The following EPS15L1 variants were observed in gnomAD, a reference collection of about 807,000 sequenced individuals.
The protein encoded by EPS15L1 is epidermal growth factor receptor pathway substrate 15 like 1, also known as epidermal growth factor receptor substrate 15-like 1.
EPS15L1 carries 43 observed loss-of-function variants against 117.1 expected under a neutral mutation model. That is an observed-to-expected ratio of 0.37 (90% CI 0.29 to 0.47). The LOEUF is 0.47. Ranked by LOEUF, EPS15L1 falls within the 20% of genes least tolerant of loss-of-function variation. EPS15L1 has a pLI of 0.99. For missense variants in EPS15L1, 981 were observed against 1,164.0 expected, an observed-to-expected ratio of 0.84 and a Z score of 2.29; for synonymous variants, 459 against 470.5, an observed-to-expected ratio of 0.98 and a Z score of 0.32.
At chr19:16,394,360 G>A (rs866400879) in intron 17 of EPS15L1, among the ~76,000 whole-genome samples, 15 of 152,178 alleles carry the variant, frequency 9.9e-5, no homozygotes, top group African/African-American at 3.6e-4. Flanking sequence ...TGGGTAAGAG[G>A]ACACAGGACC....
chr19:16,403,647 G>C (rs747186763), intron 15 of EPS15L1, 86 bp downstream of exon 15: 187 of 1,281,450 alleles, frequency 1.5e-4, no homozygotes, highest in Non-Finnish European at 2.0e-4. Flanking sequence ...ACAAGGGTGA[G>C]AGCAAAGGAG....
At chr19:16,418,170 C>A (rs574243433) in intron 10 of EPS15L1, 66 bp from the exon 11 acceptor site, 60 of 1,521,678 alleles carry the variant, frequency 3.9e-5, no homozygotes, top group Non-Finnish European at 5.1e-5. Flanking sequence ...CCCAAGTCAC[C>A]GATCCCTTGC....
chr19:16,374,257 G>A (rs1231195206), intron 22 of EPS15L1, among the ~76,000 whole-genome samples: 1 of 152,214 alleles, frequency 6.6e-6, no homozygotes, highest in Non-Finnish European at 1.5e-5. Context: ...CTGGGACCTA[G>A]TGAGATAAGA....
chr19:16,418,576 G>T (rs966876154), intron 10 of EPS15L1, among the ~76,000 whole-genome samples: 5 of 152,166 alleles, frequency 3.3e-5, no homozygotes, highest in African/African-American at 1.2e-4. Context: ...ACTTTGGGGT[G>T]TCATCATGAT....
At chr19:16,359,727 T>A (rs1487307467) in intron 23 of EPS15L1, among the ~76,000 whole-genome samples, 1 of 151,906 alleles carries the variant, frequency 6.6e-6, no homozygotes. Flanking sequence ...CCAGATGTGG[T>A]GGTGCGCGCC....
chr19:16,470,409 A>C (rs1257651068), intron 1 of EPS15L1, among the ~76,000 whole-genome samples: 2 of 151,538 alleles, frequency 1.3e-5, no homozygotes, highest in Non-Finnish European at 2.9e-5. Flanking sequence ...ATTGGACAGG[A>C]AGTTTTAGAA....
intron 22 of EPS15L1, among the ~76,000 whole-genome samples, chr19:16,367,727 A>C (rs1291189627): frequency 6.7e-6 from 1 of 148,264 alleles, no homozygotes; most frequent in Non-Finnish European, 1.5e-5. Flanking sequence ...TCCGCTTAAA[A>C]GCATCCTCAA....
At chr19:16,427,216 T>A (rs1172568779) in intron 8 of EPS15L1, among the ~76,000 whole-genome samples, 1 of 152,042 alleles carries the variant, frequency 6.6e-6, no homozygotes, top group Non-Finnish European at 1.5e-5. Flanking sequence ...TTGAGTTGAG[T>A]TCGAGGCTGC....
intron 3 of EPS15L1, 23 bp from the exon 4 acceptor site, chr19:16,440,932 A>G (rs776308551): frequency 8.1e-6 from 13 of 1,613,750 alleles, no homozygotes; most frequent in Non-Finnish European, 1.1e-5. Flanking sequence ...AAAAATGCTC[A>G]TAAGCATGAC....
intron 8 of EPS15L1, among the ~76,000 whole-genome samples, chr19:16,428,414 G>GGGAAGGAAGGAA (rs770246482): frequency 7.5e-6 from 1 of 133,220 alleles, no homozygotes; most frequent in Admixed American, 7.5e-5. Context: ...AAGGGAGGGA[G>GGGAAGGAAGGAA]GGAAGGAAGG....
chr19:16,426,744 C>A (rs1217080034), intron 8 of EPS15L1, among the ~76,000 whole-genome samples: 12 of 152,180 alleles, frequency 7.9e-5, no homozygotes, highest in Non-Finnish European at 1.6e-4. Context: ...CAAAAGACAA[C>A]AGGATGTAAC....
chr19:16,400,335 TCAAAAAAAAAAAAACAAAAA>T (rs1366654967), intron 16 of EPS15L1, among the ~76,000 whole-genome samples: 5 of 110,358 alleles, frequency 4.5e-5, no homozygotes, highest in Admixed American at 1.3e-4. Context: ...AGACTCCGTC[TCAAAAAAAAAAAAACAAAAA>T]CAAAAAAAAA....
At position 16,413,375 on chromosome 19, in the gene EPS15L1, G is replaced by A. The variant is rs73931914; in HGVS notation, c.1266+398C>T. 7,309 of 692,284 alleles carry A rather than the reference G, an allele frequency of 0.011. 401 individuals are homozygous for A. The African/African-American group carries it at 0.12, about 11-fold the overall frequency. 42.9% of individuals were successfully genotyped at this position (692,284 alleles called of 1,614,324 possible). ...TCAATGACTGCTACACCTCAGCCAG[G>A]GGCTGCACTGCCATCCTGGGCAACT... On this transcript the variant is annotated intron_variant, in intron 13 of 23. Transcript: ENST00000455140.
chr19:16,417,322 C>T (rs1035806383), intron 12 of EPS15L1: 13 of 505,892 alleles, frequency 2.6e-5, no homozygotes, highest in Non-Finnish European at 4.7e-5. Context: ...TCAAGACCTG[C>T]CTGAGACCAC....
chr19:16,366,242 A>G (rs1397738576), intron 22 of EPS15L1, among the ~76,000 whole-genome samples: 1 of 152,024 alleles, frequency 6.6e-6, no homozygotes, highest in Non-Finnish European at 1.5e-5. Flanking sequence ...CCTGAGGCAG[A>G]TTTGCAAGAA....
chr19:16,449,276 A>G (rs1291505779), intron 1 of EPS15L1, among the ~76,000 whole-genome samples: 1 of 151,982 alleles, frequency 6.6e-6, no homozygotes, highest in African/African-American at 2.4e-5. Flanking sequence ...ACAAACAAAC[A>G]AAAAAACACG....
At chr19:16,400,356 C>CAA (rs377693014) in intron 16 of EPS15L1, among the ~76,000 whole-genome samples, 1 of 122,930 alleles carries the variant, frequency 8.1e-6, no homozygotes, top group Non-Finnish European at 1.8e-5. Flanking sequence ...AAAACAAAAA[C>CAA]AAAAAAAAAA....
Position 16,437,015 on chromosome 19 carries a change from A to G in EPS15L1, c.310-16T>C. The G allele has an allele frequency of 6.2e-7, 1 of 1,612,568 alleles. No homozygotes were observed. The highest frequency in any genetic ancestry group is 8.5e-7 in the Non-Finnish European group (1 of 1,178,662). ...TGGTGTCGTGCTGAGAAGAGAGAGA[A>G]ACATTCCTTTGTGGCTGGCACAGAA... On this transcript the variant is annotated splice_polypyrimidine_tract_variant and intron_variant, in intron 5 of 23. Coordinates refer to ENST00000455140, the MANE Select transcript of EPS15L1 (RefSeq NM_001258374.3).
chr19:16,412,737 C>T (rs998083312), intron 13 of EPS15L1: 2 of 249,394 alleles, frequency 8.0e-6, no homozygotes, highest in Non-Finnish European at 1.6e-5. Flanking sequence ...GTGTCAGAGG[C>T]CCTGGGATGG....
Sources: gnomAD v4.1 joint callset for allele counts (sites outside exome capture counted in the v4.1 genomes callset) on GRCh38, gnomAD v4.1.1 for gene constraint, MANE v1.5 for transcripts, NCBI Gene and HGNC (gene_info 2026-07-23, HGNC 2026-07-21) for gene names.